The following MTG1 variants were observed in gnomAD, a reference collection of about 807,000 sequenced individuals.
MTG1 encodes the protein mitochondrial ribosome associated GTPase 1.
A neutral mutation model predicts 39.5 loss-of-function variants in MTG1; 30 were observed. That is an observed-to-expected ratio of 0.76 (90% CI 0.57 to 1.03). The LOEUF is 1.03. Among genes scored for constraint, MTG1 ranks in the 50% least tolerant of loss-of-function variants. The pLI, the probability that MTG1 is intolerant of heterozygous loss-of-function variation, is 0.00. For synonymous variants in MTG1, 217 were observed against 179.0 expected (o/e 1.21, Z -1.69); for missense variants, 513 against 447.4 (o/e 1.15, Z -1.32).
intron 1 of MTG1, chr10:133,394,754 A>T (rs1326258271): frequency 1.0e-6 from 1 of 998,344 alleles, no homozygotes; most frequent in Non-Finnish European, 1.2e-6. Flanking sequence ...GTTCAGTTTT[A>T]ACTGGTATCT....
chr10:133,396,854 C>G (rs1432013336), intron 3 of MTG1, among the ~76,000 whole-genome samples: 1 of 152,214 alleles, frequency 6.6e-6, no homozygotes, highest in Non-Finnish European at 1.5e-5. Flanking sequence ...CCAGAGGACT[C>G]CTTGGTCTAG....
chr10:133,400,110 T>G (rs1589910460), intron 6 of MTG1, among the ~76,000 whole-genome samples: 1 of 151,762 alleles, frequency 6.6e-6, no homozygotes, highest in Admixed American at 6.6e-5. Context: ...GAGAATGGCG[T>G]GAACCCGGGA....
chr10:133,399,763 G>T, intron 6 of MTG1, 144 bp downstream of exon 6: 1 of 709,170 alleles, frequency 1.4e-6, no homozygotes, highest in Non-Finnish European at 2.4e-6. Context: ...AGCACATCTT[G>T]TCTCGTTCAG....
intron 9 of MTG1, among the ~76,000 whole-genome samples, chr10:133,407,268 T>C (rs1274523118): frequency 1.3e-5 from 2 of 152,258 alleles, no homozygotes; most frequent in Non-Finnish European, 2.9e-5. Context: ...TTGCTTTGGC[T>C]GTTTGGGGCC....
chr10:133,401,768 G>A, intron 7 of MTG1, 178 bp downstream of exon 7: 2 of 726,094 alleles, frequency 2.8e-6, no homozygotes, highest in Admixed American at 2.0e-5. Context: ...AGTCGTCATA[G>A]TCTTTGCGCC....
chr10:133,399,622 A>C lies in MTG1; in HGVS notation c.511+3A>C, dbSNP rs758715003. The C allele has an allele frequency of 6.2e-7, 1 of 1,613,416 alleles. No homozygotes were observed. The highest frequency in any genetic ancestry group is 8.5e-7 in the Non-Finnish European group (1 of 1,179,754). ...CCGGAGGCAGCACCTCAGGAAAGGT[A>C]CTGGCGCGTGCGGCTGATCACCTCA... On this transcript the variant is annotated splice_donor_region_variant and intron_variant, in intron 6 of 10. Transcript: ENST00000317502.
chr10:133,402,083 C>T lies in MTG1; in HGVS notation c.574-66C>T, dbSNP rs1357599214. The T allele has an allele frequency of 2.3e-5, 36 of 1,599,988 alleles. No homozygotes were observed. Among genetic ancestry groups the T allele is most frequent in the Non-Finnish European group, 2.9e-5 (34 of 1,170,224 alleles). ...TGGGTGCCAGGGGCTGCCCAGGCTT[C>T]CTGAGTGGCCCACCTGGGTGGGAGG... On this transcript the variant is annotated intron_variant, in intron 7 of 10. Transcript: ENST00000317502. This position sits in a 1 kb window ranked among gnomAD's most constrained non-coding sequence, Gnocchi z 4.7.
chr10:133,402,300 AC>A lies in MTG1; in HGVS notation c.670+57del. 1 of 1,602,032 alleles carries A rather than the reference AC, an allele frequency of 6.2e-7. No homozygotes were observed. Among genetic ancestry groups the A allele is most frequent in the Non-Finnish European group, 8.5e-7 (1 of 1,171,702 alleles). On this transcript the variant is annotated intron_variant, in intron 8 of 10. Coordinates refer to ENST00000317502, the MANE Select transcript of MTG1 (RefSeq NM_138384.4). The surrounding 1 kb of genome is among the most constrained non-coding windows in gnomAD (Gnocchi z 4.7). ...CTGGGACCGGGGCCCCTGCCACCCC[AC>A]CTTTAGGGCTGGCTTTGGCACAGGG...
At position 133,402,137 on chromosome 10, in the gene MTG1, G is replaced by C. The variant is rs760937440; in HGVS notation, c.574-12G>C. ...CCACCGCGGCCTGATCATGCCCTCTGTGCCCACACAGGTCTCTGAGCGGCC... is the reference window on the plus strand; with the variant it reads ...CCACCGCGGCCTGATCATGCCCTCTCTGCCCACACAGGTCTCTGAGCGGCC... On this transcript the variant is annotated splice_polypyrimidine_tract_variant and intron_variant, in intron 7 of 10. Coordinates refer to ENST00000317502, the MANE Select transcript of MTG1 (RefSeq NM_138384.4). This position sits in a 1 kb window ranked among gnomAD's most constrained non-coding sequence, Gnocchi z 4.7. 1.2e-6 allele frequency: 2 copies of C among 1,613,958 alleles called. No individual in the cohort carries two copies. Among genetic ancestry groups the C allele is most frequent in the South Asian group, 2.2e-5 (2 of 91,084 alleles).
intron 9 of MTG1, among the ~76,000 whole-genome samples, chr10:133,406,019 A>G (rs900787397): frequency 1.8e-4 from 28 of 152,230 alleles, no homozygotes; most frequent in Admixed American, 1.6e-3. Context: ...GTTTTTTAAT[A>G]AAAGCCATTT....
intron 3 of MTG1, among the ~76,000 whole-genome samples, chr10:133,397,483 CTTT>C (rs755741791): frequency 7.0e-6 from 1 of 142,398 alleles, no homozygotes. Context: ...GTCTTATTTT[CTTT>C]TTTTTTTTTT....
chr10:133,396,793 TAGTG>T (rs1419161811), intron 3 of MTG1, among the ~76,000 whole-genome samples: 3 of 152,158 alleles, frequency 2.0e-5, no homozygotes, highest in East Asian at 1.9e-4. Flanking sequence ...TGAGGGGACA[TAGTG>T]AGACGTGACA....
At chr10:133,397,871 CTT>C (rs1383789791) in intron 3 of MTG1, among the ~76,000 whole-genome samples, 1 of 151,144 alleles carries the variant, frequency 6.6e-6, no homozygotes, top group Non-Finnish European at 1.5e-5. Flanking sequence ...GAAAATGTGA[CTT>C]TTTGTAGACT....
intron 6 of MTG1, 45 bp downstream of exon 6, chr10:133,399,664 G>A (rs370619003): frequency 1.8e-5 from 28 of 1,592,744 alleles, no homozygotes; most frequent in Admixed American, 6.7e-5. Flanking sequence ...GTACTGGCGC[G>A]TGTGGCTGAT....
Position 133,398,368 on chromosome 10 carries a change from C to G in MTG1, c.283-67C>G, listed in dbSNP as rs992677169. The stretch of plus-strand genomic sequence containing the variant: ...GGAGCCGAGATTGTGCTACTGCACT[C>G]CAGCCTGGGTGACAGAGCCAAGACT... On this transcript the variant is annotated intron_variant, in intron 3 of 10. Coordinates refer to ENST00000317502, the MANE Select transcript of MTG1 (RefSeq NM_138384.4). The G allele has an allele frequency of 3.3e-6, 5 of 1,533,620 alleles. No homozygotes were observed. In the Admixed American group the frequency reaches 5.4e-5, roughly 17 times the overall value.
chr10:133,397,779 G>GTTTTTTTTTGTTTTTTGT (rs1554890616), intron 3 of MTG1, among the ~76,000 whole-genome samples: 2 of 139,488 alleles, frequency 1.4e-5, no homozygotes, highest in Non-Finnish European at 3.1e-5. Context: ...CGTCCAGCCT[G>GTTTTTTTTTGTTTTTTGT]TTTTTTTTTT....
intron 7 of MTG1, chr10:133,401,842 A>G (rs1255335162): frequency 1.5e-6 from 1 of 657,848 alleles, no homozygotes; most frequent in Non-Finnish European, 2.8e-6. Flanking sequence ...GTCCAGGGCC[A>G]TGCAGTGGTC....
At chr10:133,398,314 C>G in intron 3 of MTG1, 121 bp from the exon 4 acceptor site, 1 of 870,956 alleles carries the variant, frequency 1.1e-6, no homozygotes, top group Non-Finnish European at 1.8e-6. Flanking sequence ...GCATGAGAAT[C>G]GCTTGAACCA....
chr10:133,401,611 G>T, intron 7 of MTG1, 21 bp downstream of exon 7: 1 of 1,613,268 alleles, frequency 6.2e-7, no homozygotes, highest in Non-Finnish European at 8.5e-7. Flanking sequence ...CAGGGGCCAG[G>T]CCCAGCACTC....
Sources: gnomAD v4.1 joint callset for allele counts (sites outside exome capture counted in the v4.1 genomes callset) on GRCh38, gnomAD v4.1.1 for gene constraint, Gnocchi (gnomAD v3.1) non-coding constraint, MANE v1.5 for transcripts, NCBI Gene and HGNC (gene_info 2026-07-23, HGNC 2026-07-21) for gene names.